Variants in ERAP1 observed in about 807,000 individuals in gnomAD.
ERAP1 encodes endoplasmic reticulum aminopeptidase 1, also known as adipocyte-derived leucine aminopeptidase.
Under a neutral mutation model 103.7 loss-of-function variants are expected in ERAP1, and 86 were observed. The observed-to-expected ratio is 0.83, with a 90% CI of 0.70 to 0.99. The LOEUF (loss-of-function observed/expected upper bound fraction) is 0.99, where lower values mean the gene tolerates loss of function less well. ERAP1 is among the 50% of genes least tolerant of loss of function. ERAP1 has a pLI of 0.00. For synonymous variants in ERAP1, 398 were observed against 402.4 expected, an observed-to-expected ratio of 0.99 and a Z score of 0.13; for missense variants, 1,009 against 1,128.4, an observed-to-expected ratio of 0.89 and a Z score of 1.52.
chr5:96,837,797 T>C, the ERAP1 span, among the ~76,000 whole-genome samples: 3 of 152,154 alleles, frequency 2.0e-5, no homozygotes, highest in South Asian at 6.2e-4. Context: ...TTAAAGATGG[T>C]AAATGCGGGG....
chr5:96,774,854 T>C lies in ERAP1; in HGVS notation c.*1542A>G, dbSNP rs1002623738. 18 of 985,406 alleles carry C rather than the reference T, an allele frequency of 1.8e-5. No individual in the cohort carries two copies. Among genetic ancestry groups the C allele is most frequent in the Non-Finnish European group, 2.0e-5 (17 of 829,872 alleles). 61.0% of individuals were successfully genotyped at this position (985,406 alleles called of 1,614,324 possible). A position where few individuals can be genotyped will look rare whatever the true frequency, so the allele number is the denominator to read the frequency against. On this transcript the variant is annotated 3_prime_UTR_variant, in exon 19 of 19. Transcript: ENST00000443439. The stretch of plus-strand genomic sequence containing the variant: ...AGTGAATGGTTTAATAAATGGCAGA[T>C]TTATGTCCAGAAGTCACTCTATTTT...
At chr5:96,915,975 C>A in the ERAP1 span, 4 of 367,356 alleles carry the variant, frequency 1.1e-5, no homozygotes, top group Non-Finnish European at 2.0e-5. Context: ...GTAATCCCAC[C>A]ACTTTGGGAG....
At chr5:96,833,733 G>A in the ERAP1 span, among the ~76,000 whole-genome samples, 3 of 151,690 alleles carry the variant, frequency 2.0e-5, no homozygotes, top group East Asian at 1.9e-4. Context: ...GGGAGGCGGA[G>A]GTTGCAGTGA....
At chr5:96,891,576 C>T in the ERAP1 span, among the ~76,000 whole-genome samples, 1,069 of 147,820 alleles carry the variant, frequency 7.2e-3, 16 homozygotes, top group African/African-American at 0.016. Context: ...ATATGGTACA[C>T]ACACACACAC....
chr5:96,764,578 A>C (rs3822681), intron 19 of ERAP1, among the ~76,000 whole-genome samples: 14,714 of 151,686 alleles, frequency 0.097, 867 homozygotes, highest in African/African-American at 0.16. Context: ...AGCCCCTTCC[A>C]CTCTCCTGAC....
the ERAP1 span, among the ~76,000 whole-genome samples, chr5:96,874,115 A>T: frequency 7.0e-6 from 1 of 143,830 alleles, no homozygotes; most frequent in Non-Finnish European, 1.5e-5. Context: ...AAAAAGAAGG[A>T]AGGAAAGAAA....
the ERAP1 span, among the ~76,000 whole-genome samples, chr5:96,869,071 G>C: frequency 6.6e-6 from 1 of 151,774 alleles, no homozygotes; most frequent in African/African-American, 2.4e-5. Context: ...GTTACCACTA[G>C]ATGAAGCTCC....
chr5:96,850,430 A>T, the ERAP1 span, among the ~76,000 whole-genome samples: 1 of 152,166 alleles, frequency 6.6e-6, no homozygotes, highest in Non-Finnish European at 1.5e-5. Flanking sequence ...TAGACAAAAA[A>T]CCTGCATAGA....
the ERAP1 span, chr5:96,912,828 T>C: frequency 6.4e-7 from 1 of 1,555,338 alleles, no homozygotes; most frequent in Non-Finnish European, 8.7e-7. Context: ...TAAATTGTTA[T>C]AAGTAAACTG....
chr5:96,797,056 T>C, intron 4 of ERAP1, 119 bp downstream of exon 4: 1 of 1,186,562 alleles, frequency 8.4e-7, no homozygotes, highest in Admixed American at 1.9e-5. Context: ...CCCAAACTGT[T>C]GGGTTTATGT....
chr5:96,784,591 G>A (rs1028708687), intron 13 of ERAP1, among the ~76,000 whole-genome samples: 1 of 106,844 alleles, frequency 9.4e-6, no homozygotes, highest in African/African-American at 3.6e-5. Context: ...TTCTCAAACA[G>A]TAACGTCTAG....
At chr5:96,769,687 C>T (rs556035314), downstream of ERAP1, 2 of 152,046 alleles carry the variant, frequency 1.3e-5, no homozygotes, top group South Asian at 4.2e-4. Context: ...TACACTTGTT[C>T]ATTCTGCATA....
chr5:96,876,685 G>C, the ERAP1 span, among the ~76,000 whole-genome samples: 1 of 152,166 alleles, frequency 6.6e-6, no homozygotes, highest in African/African-American at 2.4e-5. Flanking sequence ...GTATTAGAAA[G>C]TGTATGCAGT....
At chr5:96,845,873 A>G in the ERAP1 span, among the ~76,000 whole-genome samples, 2 of 152,242 alleles carry the variant, frequency 1.3e-5, no homozygotes, top group African/African-American at 4.8e-5. Context: ...GAGAAATTAT[A>G]CAAGTACATG....
At chr5:96,903,695 G>A in the ERAP1 span, 1 of 706,696 alleles carries the variant, frequency 1.4e-6, no homozygotes, top group South Asian at 2.4e-5. Flanking sequence ...GTGATCACTA[G>A]GCCAAAGACT....
intron 19 of ERAP1, chr5:96,766,270 T>C: frequency 1.7e-6 from 1 of 593,802 alleles, no homozygotes; most frequent in Non-Finnish European, 3.0e-6. Flanking sequence ...ACTGACTGCT[T>C]CTAATGTGTC....
chr5:96,771,178 A>T (rs1471904418), downstream of ERAP1, among the ~76,000 whole-genome samples: 1 of 152,202 alleles, frequency 6.6e-6, no homozygotes, highest in African/African-American at 2.4e-5. Context: ...ATTGGCAGTT[A>T]TGCCATTATA....
chr5:96,924,639 GC>G, the ERAP1 span, among the ~76,000 whole-genome samples: 1 of 151,644 alleles, frequency 6.6e-6, no homozygotes, highest in Non-Finnish European at 1.5e-5. Flanking sequence ...TGTTGCCCAG[GC>G]TGGGAGCGAT....
At chr5:96,830,710 T>C in the ERAP1 span, among the ~76,000 whole-genome samples, 4 of 152,212 alleles carry the variant, frequency 2.6e-5, no homozygotes, top group South Asian at 2.1e-4. Flanking sequence ...ATATATACAC[T>C]TGGAGTCAAG....
Sources: gnomAD v4.1 joint callset for allele counts (sites outside exome capture counted in the v4.1 genomes callset) on GRCh38, gnomAD v4.1.1 for gene constraint, MANE v1.5 for transcripts, NCBI Gene and HGNC (gene_info 2026-07-23, HGNC 2026-07-21) for gene names.